SMAD9: variants seen among roughly 807,000 people sequenced by gnomAD.
The protein encoded by SMAD9 is MAD homolog 9.
SMAD9 carries 36 observed loss-of-function variants against 46.1 expected under a neutral mutation model. That is an observed-to-expected ratio of 0.78 (90% CI 0.60 to 1.03). The LOEUF (loss-of-function observed/expected upper bound fraction) is 1.03. Among genes scored for constraint, SMAD9 ranks in the 50% least tolerant of loss-of-function variants. The pLI is 0.00. For missense variants in SMAD9, 572 were observed against 599.8 expected, an observed-to-expected ratio of 0.95 and a Z score of 0.48; for synonymous variants, 245 against 237.1, an observed-to-expected ratio of 1.03 and a Z score of -0.31.
chr13:36,904,292 T>G (rs954362171), intron 1 of SMAD9, among the ~76,000 whole-genome samples: 1 of 152,214 alleles, frequency 6.6e-6, no homozygotes, highest in Admixed American at 6.5e-5. Context: ...GAGTTAGATA[T>G]GCGACTCTTG....
Position 36,920,168 on chromosome 13 carries a change from C to G in SMAD9, c.-239G>C, listed in dbSNP as rs2058732914. 6.7e-6 allele frequency: 1 copy of G among 148,856 alleles called. No homozygotes were observed. The highest frequency in any genetic ancestry group is 2.6e-5 in the African/African-American group (1 of 38,152). The allele number at this position is 148,856 out of a possible 1,614,324, so 9.2% of individuals were successfully genotyped here. A position where few individuals can be genotyped will look rare whatever the true frequency, so the allele number is the denominator to read the frequency against. ...CAGGGCCCGGCGGCGGCGGCGGGGACCGAGACAGCGGCTGCAGCAGCGGCG... is the reference window on the plus strand; with the variant it reads ...CAGGGCCCGGCGGCGGCGGCGGGGAGCGAGACAGCGGCTGCAGCAGCGGCG... On this transcript the variant is annotated 5_prime_UTR_variant, in exon 1 of 7. Coordinates refer to ENST00000379826, the MANE Select transcript of SMAD9 (RefSeq NM_001127217.3).
Position 36,846,528 on chromosome 13 carries a change from G to A in SMAD9, c.*2148C>T, listed in dbSNP as rs2058039679. ...CAGAGGATAAGTTAGATAGCTGGTA[G>A]AGAGATCACGAAAGCTATGTTTGAT... On this transcript the variant is annotated 3_prime_UTR_variant, in exon 7 of 7. Coordinates refer to ENST00000379826, the MANE Select transcript of SMAD9 (RefSeq NM_001127217.3). The A allele has an allele frequency of 6.7e-6, 1 of 150,072 alleles. No individual in the cohort carries two copies. The highest frequency in any genetic ancestry group is 1.5e-5 in the Non-Finnish European group (1 of 67,656). 9.3% of individuals were successfully genotyped at this position (150,072 alleles called of 1,614,324 possible). A position where few individuals can be genotyped will look rare whatever the true frequency, so the allele number is the denominator to read the frequency against.
At position 36,878,509 on chromosome 13, in the gene SMAD9, A is replaced by C. The variant is rs576801797; in HGVS notation, c.412+769T>G. Among the ~76,000 whole-genome samples, 14 of 152,276 alleles carry C rather than the reference A, an allele frequency of 9.2e-5. 1 individual carries two copies. The highest frequency in any genetic ancestry group is 6.2e-4 in the South Asian group (3 of 4,824). Reference sequence around the variant, plus strand: ...TCCAGGGTGTTCACACAAGGAAGAAATTACTTACTGATGCATTTCTCAGAA... The same window carrying C: ...TCCAGGGTGTTCACACAAGGAAGAACTTACTTACTGATGCATTTCTCAGAA... On this transcript the variant is annotated intron_variant, in intron 2 of 6. Coordinates refer to ENST00000379826, the MANE Select transcript of SMAD9 (RefSeq NM_001127217.3).
chr13:36,848,946 A>G, intron 6 of SMAD9, 127 bp from the exon 7 acceptor site: 1 of 810,418 alleles, frequency 1.2e-6, no homozygotes, highest in Admixed American at 2.5e-5. Context: ...AGAGGGAGAG[A>G]ACATGGCCTC....
intron 1 of SMAD9, among the ~76,000 whole-genome samples, chr13:36,894,049 A>G (rs1263625689): frequency 6.6e-5 from 10 of 152,216 alleles, no homozygotes; most frequent in African/African-American, 4.8e-5. Flanking sequence ...AAGTTCAACA[A>G]AAGTTCAAAG....
At chr13:36,890,278 A>C (rs2058479181) in intron 1 of SMAD9, among the ~76,000 whole-genome samples, 1 of 152,176 alleles carries the variant, frequency 6.6e-6, no homozygotes, top group Non-Finnish European at 1.5e-5. Flanking sequence ...CATTGTGCTT[A>C]TCTTTTCATC....
At chr13:36,906,954 A>G (rs1260494144) in intron 1 of SMAD9, among the ~76,000 whole-genome samples, 1 of 152,250 alleles carries the variant, frequency 6.6e-6, no homozygotes, top group Non-Finnish European at 1.5e-5. Flanking sequence ...TCATAGCATT[A>G]TTTACAATAG....
intron 6 of SMAD9, among the ~76,000 whole-genome samples, chr13:36,850,661 G>A (rs908183971): frequency 6.6e-5 from 10 of 152,204 alleles, no homozygotes; most frequent in African/African-American, 2.4e-4. Context: ...TTACAGGCAT[G>A]AGCCACCACG....
chr13:36,875,821 C>A (rs1017700988), intron 2 of SMAD9, among the ~76,000 whole-genome samples: 36 of 152,112 alleles, frequency 2.4e-4, no homozygotes, highest in African/African-American at 8.0e-4. Context: ...ACTTCTATTT[C>A]TTCATGGCCT....
At chr13:36,915,595 G>A (rs1003927740) in intron 1 of SMAD9, among the ~76,000 whole-genome samples, 7 of 152,090 alleles carry the variant, frequency 4.6e-5, no homozygotes, top group Middle Eastern at 3.2e-3. Context: ...TAAAAAAGAG[G>A]AATTGGAAAT....
intron 1 of SMAD9, among the ~76,000 whole-genome samples, chr13:36,906,806 G>A (rs572556582): frequency 2.6e-5 from 4 of 152,316 alleles, no homozygotes; most frequent in African/African-American, 9.6e-5. Flanking sequence ...GCACATTGTT[G>A]ATGAGAATGT....
In SMAD9 at chr13:36,845,391, C is replaced by T. The variant is rs550402301; in HGVS notation, c.*3285G>A. On this transcript the variant is annotated 3_prime_UTR_variant, in exon 7 of 7. Transcript: ENST00000379826. ...CTTTATAGTTCCAAAGCACTCGCAG[C>T]TATTAAAATATCATCTAGCTAAAAC... 2.0e-5 allele frequency: 3 copies of T among 152,272 alleles called. No individual in the cohort carries two copies. The South Asian group carries it at 6.2e-4, about 32-fold the overall frequency. The allele number at this position is 152,272 out of a possible 1,614,324, so 9.4% of individuals were successfully genotyped here. A position where few individuals can be genotyped will look rare whatever the true frequency, so the allele number is the denominator to read the frequency against.
At chr13:36,858,488 T>C (rs2058147770) in intron 5 of SMAD9, among the ~76,000 whole-genome samples, 1 of 152,238 alleles carries the variant, frequency 6.6e-6, no homozygotes, top group Non-Finnish European at 1.5e-5. Flanking sequence ...AGACTGCCCC[T>C]GATGACCAAG....
chr13:36,893,818 C>T (rs2058507617), intron 1 of SMAD9, among the ~76,000 whole-genome samples: 2 of 152,004 alleles, frequency 1.3e-5, no homozygotes, highest in Non-Finnish European at 2.9e-5. Context: ...GAGCAGAAGG[C>T]AGGGGAGTAG....
At chr13:36,866,329 A>C (rs1040605945) in intron 4 of SMAD9, among the ~76,000 whole-genome samples, 3 of 150,944 alleles carry the variant, frequency 2.0e-5, no homozygotes, top group Admixed American at 2.0e-4. Context: ...TGCTTTGTGG[A>C]TATCTAGTTA....
intron 1 of SMAD9, among the ~76,000 whole-genome samples, chr13:36,903,133 T>G (rs997304492): frequency 2.7e-5 from 4 of 148,968 alleles, no homozygotes; most frequent in African/African-American, 7.4e-5. Flanking sequence ...TTGGTTTTTT[T>G]TTTTTTTTTT....
intron 1 of SMAD9, among the ~76,000 whole-genome samples, chr13:36,918,705 G>T (rs2058717662): frequency 6.6e-6 from 1 of 152,130 alleles, no homozygotes; most frequent in Non-Finnish European, 1.5e-5. Context: ...TGTCTATTTG[G>T]AGTTGAGAAT....
intron 2 of SMAD9, among the ~76,000 whole-genome samples, chr13:36,877,144 A>G (rs1445279127): frequency 6.6e-6 from 1 of 152,144 alleles, no homozygotes; most frequent in Non-Finnish European, 1.5e-5. Context: ...CAGGTGGATC[A>G]TGAGGTCAAG....
intron 1 of SMAD9, among the ~76,000 whole-genome samples, chr13:36,907,258 G>A (rs1300420433): frequency 2.0e-5 from 3 of 152,132 alleles, no homozygotes; most frequent in African/African-American, 7.2e-5. Flanking sequence ...GGGGACTATT[G>A]TTTAAATGGT....
Sources: allele counts gnomAD v4.1 joint callset (sites outside exome capture counted in the v4.1 genomes callset), GRCh38; gene constraint gnomAD v4.1.1; transcripts MANE v1.5; gene names NCBI Gene and HGNC (gene_info 2026-07-23, HGNC 2026-07-21).